Variants in UTP6 observed in about 807,000 individuals in gnomAD.
The protein encoded by UTP6 is UTP6 small subunit processome component.
In UTP6, 60 loss-of-function variants were observed where a neutral mutation model predicts 96.5. That is an observed-to-expected ratio of 0.62 (90% CI 0.51 to 0.77). The LOEUF (loss-of-function observed/expected upper bound fraction) is 0.77. Ranked by LOEUF, UTP6 falls within the 30% of genes least tolerant of loss-of-function variation. The pLI is 0.00. For missense variants in UTP6, 637 were observed against 706.5 expected (o/e 0.90, Z 1.12); for synonymous variants, 215 against 240.1 (o/e 0.90, Z 0.96).
intron 1 of UTP6, among the ~76,000 whole-genome samples, chr17:31,900,902 T>C (rs1904940534): frequency 6.6e-6 from 1 of 152,198 alleles, no homozygotes; most frequent in African/African-American, 2.4e-5. Flanking sequence ...CTGCTTTGTT[T>C]TGTGTTTCAT....
rs1910440163 is a variant in UTP6, at chr17:31,875,382, C to T, written c.1157G>A (p.Arg386Lys). The change falls in exon 14 of 19, where the codon AGG becomes AAG. Residue 386 changes from arginine (R) to lysine (K), a missense_variant. Transcript: ENST00000261708. ...AGCTACTGCCACTTCCAGAGCTTCC[C>T]TCAGGAAGTTATAACACAGCAACGA... ...SVSLLCYNFL[R>K]EALEVAVAGT... is the part of the protein sequence containing the mutation. 6.2e-7 allele frequency: 1 copy of T among 1,613,984 alleles called. No individual in the cohort carries two copies. The highest frequency in any genetic ancestry group is 1.3e-5 in the African/African-American group (1 of 74,910).
chr17:31,864,475 G>T (rs1909705586), intron 18 of UTP6, among the ~76,000 whole-genome samples: 1 of 152,120 alleles, frequency 6.6e-6, no homozygotes, highest in Non-Finnish European at 1.5e-5. Flanking sequence ...GAAGTATGTT[G>T]TACAAGTCCT....
At chr17:31,890,698 T>C (rs1002867086) in intron 6 of UTP6, among the ~76,000 whole-genome samples, 2 of 151,232 alleles carry the variant, frequency 1.3e-5, no homozygotes, top group African/African-American at 4.9e-5. Flanking sequence ...TTTAGAGAAA[T>C]TATAGGGCAA....
At position 31,863,249 on chromosome 17, in the gene UTP6, C is replaced by G. The variant is rs1909626668; in HGVS notation, c.*110G>C. 9.9e-6 allele frequency: 11 copies of G among 1,115,252 alleles called. No homozygotes were observed. In the South Asian group the frequency reaches 1.1e-4, roughly 11 times the overall value. 69.1% of individuals were successfully genotyped at this position (1,115,252 alleles called of 1,614,324 possible). ...AATTAAAGTGTGTCTCAAAACCAGA[C>G]AGCCATCTTGTCTGCCATCACTGAG... On this transcript the variant is annotated 3_prime_UTR_variant, in exon 19 of 19. Coordinates refer to ENST00000261708, the MANE Select transcript of UTP6 (RefSeq NM_018428.3).
intron 5 of UTP6, 110 bp downstream of exon 5, chr17:31,892,636 CT>C: frequency 3.0e-6 from 4 of 1,337,934 alleles, no homozygotes; most frequent in Non-Finnish European, 4.2e-6. Flanking sequence ...TTCTTGGGTT[CT>C]TTTTTCATGT....
chr17:31,901,389 T>C, intron 1 of UTP6, 147 bp downstream of exon 1: 1 of 706,662 alleles, frequency 1.4e-6, no homozygotes, highest in Non-Finnish European at 2.4e-6. Context: ...AAATTAATTC[T>C]GGACATCACC....
At chr17:31,880,425 TAA>T (rs775836222) in intron 11 of UTP6, 146 bp downstream of exon 11, 30,861 of 636,950 alleles carry the variant, frequency 0.048, no homozygotes, top group South Asian at 0.058. Context: ...TGCCTCCCAA[TAA>T]AAAAAAAAAA....
chr17:31,901,683 A>T lies in UTP6; in HGVS notation c.-56T>A, dbSNP rs549687151. 114 of 1,569,482 alleles carry T rather than the reference A, an allele frequency of 7.3e-5. No homozygotes were observed. Among genetic ancestry groups the T allele is most frequent in the Non-Finnish European group, 9.4e-5 (108 of 1,145,800 alleles). Reference sequence around the variant, plus strand: ...CTTCTCAACAGCGAACACGAGCAGGAAGCTCCCGGTTTCAGGTTCGGAGAC... The same window carrying T: ...CTTCTCAACAGCGAACACGAGCAGGTAGCTCCCGGTTTCAGGTTCGGAGAC... On this transcript the variant is annotated 5_prime_UTR_variant, in exon 1 of 19. Transcript: ENST00000261708.
At chr17:31,882,630 T>C (rs1910911187) in intron 10 of UTP6, among the ~76,000 whole-genome samples, 1 of 152,196 alleles carries the variant, frequency 6.6e-6, no homozygotes, top group African/African-American at 2.4e-5. Context: ...CCAGGGTTCT[T>C]CATTTTCTAA....
intron 16 of UTP6, among the ~76,000 whole-genome samples, chr17:31,868,815 A>C (rs1291644198): frequency 6.6e-6 from 1 of 152,188 alleles, no homozygotes; most frequent in Non-Finnish European, 1.5e-5. Flanking sequence ...TGGCCAAAAA[A>C]GTTATACTGC....
rs1909923344 is a variant in UTP6, at chr17:31,867,982, T to A, written c.1563+64A>T. ...AAAAAAACAAAAAAACAAAAAACAG[T>A]CTGATAGATTAGTAACCACTAATCC... On this transcript the variant is annotated intron_variant, in intron 17 of 18. Coordinates refer to ENST00000261708, the MANE Select transcript of UTP6 (RefSeq NM_018428.3). The A allele has an allele frequency of 2.0e-6, 3 of 1,534,190 alleles. No individual in the cohort carries two copies. The South Asian group carries it at 3.5e-5, about 18-fold the overall frequency.
intron 6 of UTP6, among the ~76,000 whole-genome samples, chr17:31,890,804 T>A (rs1224367523): frequency 6.6e-6 from 1 of 150,992 alleles, no homozygotes; most frequent in African/African-American, 2.4e-5. Context: ...CTGGCCAACA[T>A]GGCGAAACCC....
chr17:31,864,117 G>A (rs1337605452), intron 18 of UTP6, among the ~76,000 whole-genome samples: 1 of 152,104 alleles, frequency 6.6e-6, no homozygotes, highest in East Asian at 1.9e-4. Flanking sequence ...AGGCACAGTG[G>A]TTCACACCTG....
rs1275492398 is a variant in UTP6 at position 31,868,038 on chromosome 17, A to G, written c.1563+8T>C. Reference sequence around the variant, plus strand: ...CCCAGACAAGAAATGCTGAAACAGAACACTTACTTGCTCCTTTTCAAACTG... The same window carrying G: ...CCCAGACAAGAAATGCTGAAACAGAGCACTTACTTGCTCCTTTTCAAACTG... On this transcript the variant is annotated splice_region_variant and intron_variant, in intron 17 of 18. Transcript: ENST00000261708. 6.2e-7 allele frequency: 1 copy of G among 1,612,594 alleles called. No individual in the cohort carries two copies. Among genetic ancestry groups the G allele is most frequent in the Non-Finnish European group, 8.5e-7 (1 of 1,179,138 alleles).
At chr17:31,896,483 C>G (rs1239152578) in intron 2 of UTP6, among the ~76,000 whole-genome samples, 3 of 152,186 alleles carry the variant, frequency 2.0e-5, no homozygotes, top group African/African-American at 7.2e-5. Context: ...TTCACGTTCA[C>G]ATGATTTGCC....
rs374976575 is a variant in UTP6 at position 31,901,524 on chromosome 17, A to T, written c.92+12T>A. On this transcript the variant is annotated intron_variant, in intron 1 of 18. Transcript: ENST00000261708. ...CCGCCTCAGCTCTTCCCTCTCCCCA[A>T]CCCTCTCTCACTTAATCTCCGCATG... 3.1e-6 allele frequency: 5 copies of T among 1,612,452 alleles called. No individual in the cohort carries two copies. The South Asian group carries it at 4.4e-5, about 14-fold the overall frequency.
intron 2 of UTP6, among the ~76,000 whole-genome samples, chr17:31,896,362 G>C (rs889882788): frequency 6.6e-6 from 1 of 152,068 alleles, no homozygotes; most frequent in African/African-American, 2.4e-5. Flanking sequence ...ACAGGCATGA[G>C]CTACCGCGCT....
intron 16 of UTP6, among the ~76,000 whole-genome samples, chr17:31,872,812 C>T (rs1910258297): frequency 6.8e-6 from 1 of 147,960 alleles, no homozygotes; most frequent in South Asian, 2.1e-4. Flanking sequence ...ACCAGCCTGG[C>T]CAACATGATG....
At chr17:31,880,816 A>C in intron 10 of UTP6, 62 bp from the exon 11 acceptor site, 2 of 1,598,306 alleles carry the variant, frequency 1.3e-6, no homozygotes, top group South Asian at 2.2e-5. Context: ...AATATCAGAG[A>C]AACAGTTACC....
Sources: gnomAD v4.1 joint callset for allele counts (sites outside exome capture counted in the v4.1 genomes callset) on GRCh38, gnomAD v4.1.1 for gene constraint, MANE v1.5 for transcripts, NCBI Gene and HGNC (gene_info 2026-07-23, HGNC 2026-07-21) for gene names.